Variants in CCDC93 observed in about 807,000 individuals in gnomAD.
The protein encoded by CCDC93 is coiled-coil domain-containing protein 93.
In CCDC93, 61 loss-of-function variants were observed where a neutral mutation model predicts 108.2. The observed-to-expected ratio is 0.56, with a 90% CI of 0.46 to 0.70. CCDC93 has a LOEUF of 0.70. CCDC93 is among the 30% of genes least tolerant of loss of function. The pLI, the probability that CCDC93 is intolerant of heterozygous loss-of-function variation, is 0.00. For synonymous variants in CCDC93, 276 were observed against 260.4 expected, an observed-to-expected ratio of 1.06 and a Z score of -0.58; for missense variants, 685 against 764.2, an observed-to-expected ratio of 0.90 and a Z score of 1.22.
intron 18 of CCDC93, among the ~76,000 whole-genome samples, chr2:117,943,008 T>G (rs553985845): frequency 6.6e-6 from 1 of 152,320 alleles, no homozygotes; most frequent in Admixed American, 6.5e-5. Context: ...GACTCCTCTT[T>G]TTATCTCAGA....
intron 23 of CCDC93, among the ~76,000 whole-genome samples, chr2:117,926,195 C>A (rs546784205): frequency 1.1e-3 from 166 of 152,170 alleles, no homozygotes; most frequent in Non-Finnish European, 2.2e-3. Flanking sequence ...ACCCTAACAT[C>A]ACAATGAAAA....
chr2:117,966,698 A>G (rs1014279233), intron 11 of CCDC93, among the ~76,000 whole-genome samples: 5 of 152,216 alleles, frequency 3.3e-5, no homozygotes, highest in Admixed American at 2.0e-4. Flanking sequence ...GTGTTTTTTC[A>G]TAAGTACATC....
intron 3 of CCDC93, among the ~76,000 whole-genome samples, chr2:118,005,896 CAGTT>C (rs1049519882): frequency 3.9e-5 from 6 of 152,134 alleles, no homozygotes; most frequent in Non-Finnish European, 1.5e-5. Flanking sequence ...TCCTGATGCT[CAGTT>C]ACTCACAGAT....
At chr2:117,951,923 T>A (rs991624166) in intron 13 of CCDC93, among the ~76,000 whole-genome samples, 1 of 152,070 alleles carries the variant, frequency 6.6e-6, no homozygotes, top group African/African-American at 2.4e-5. Context: ...AGGAGATAAC[T>A]GGAAATTCTG....
intron 11 of CCDC93, among the ~76,000 whole-genome samples, chr2:117,959,625 C>A (rs1025918194): frequency 9.9e-5 from 15 of 152,168 alleles, no homozygotes; most frequent in Admixed American, 2.0e-4. Flanking sequence ...ATGATGAGTT[C>A]TTCTGCTACT....
chr2:117,939,012 T>C lies in CCDC93; in HGVS notation c.1605+17A>G, dbSNP rs764641164. On this transcript the variant is annotated intron_variant, in intron 20 of 23. Coordinates refer to ENST00000376300, the MANE Select transcript of CCDC93 (RefSeq NM_019044.5). ...CTGTTAGCTGCTTAGCCATTTTCTT[T>C]TTATAAATGTTCTTACCTCTTTTTC... The C allele has an allele frequency of 1.4e-6, 2 of 1,419,220 alleles. No individual in the cohort carries two copies. Among genetic ancestry groups the C allele is most frequent in the Non-Finnish European group, 2.0e-6 (2 of 1,006,912 alleles). The allele number at this position is 1,419,220 out of a possible 1,614,324, so 87.9% of individuals were successfully genotyped here. A position where few individuals can be genotyped will look rare whatever the true frequency, so the allele number is the denominator to read the frequency against.
chr2:118,008,602 G>C lies in CCDC93; in HGVS notation c.99C>G (p.Leu33=). 1.9e-6 allele frequency: 3 copies of C among 1,613,882 alleles called. No homozygotes were observed. Among genetic ancestry groups the C allele is most frequent in the Non-Finnish European group, 1.7e-6 (2 of 1,179,810 alleles). The change falls in exon 2 of 24, where the codon CTC becomes CTG. Residue 33 remains leucine (L), a synonymous_variant. Transcript: ENST00000376300. ...CCCTGAAATACCCAGCTGCAACCAA[G>C]AGCTCCAGAATTTCAGTCAACTTGA... is the stretch of plus-strand genomic sequence containing the variant. ...QNVKLTEILE[L]LVAAGYFRAR...
At chr2:118,006,029 ACTTT>A (rs756982566) in intron 3 of CCDC93, among the ~76,000 whole-genome samples, 70 of 152,070 alleles carry the variant, frequency 4.6e-4, no homozygotes, top group Non-Finnish European at 7.5e-4. Flanking sequence ...TTTTGTCCCC[ACTTT>A]TTTTTCCCCC....
rs375536207 is a variant in CCDC93, at chr2:118,013,964, C to T, written c.32G>A (p.Gly11Asp). ...AGGAGGCGTTCTTACCTCCGGGAGA[C>T]CCTGGCCCTCCGGCCCCCTGGGCAA... is the stretch of plus-strand genomic sequence containing the variant. MGLPRGPEGQ[G>D]LPEVETREDE... Residue 11 changes from glycine (G) to aspartate (D), a missense_variant, in exon 1 of 24, where the codon GGT becomes GAT. Coordinates refer to ENST00000376300, the MANE Select transcript of CCDC93 (RefSeq NM_019044.5). 1.9e-6 allele frequency: 3 copies of T among 1,595,042 alleles called. No homozygotes were observed. The highest frequency in any genetic ancestry group is 2.3e-5 in the South Asian group (2 of 87,348).
At chr2:117,950,375 C>G (rs968681135) in intron 13 of CCDC93, 22 of 985,254 alleles carry the variant, frequency 2.2e-5, no homozygotes, top group Non-Finnish European at 2.5e-5. Context: ...AACAATCAGC[C>G]TCACACACAC....
At chr2:117,961,227 T>G (rs1018792334) in intron 11 of CCDC93, among the ~76,000 whole-genome samples, 4 of 151,994 alleles carry the variant, frequency 2.6e-5, no homozygotes, top group Non-Finnish European at 4.4e-5. Flanking sequence ...AGAGAGAAAA[T>G]GCTCGCAATG....
chr2:118,003,133 T>C (rs994569185), intron 3 of CCDC93, among the ~76,000 whole-genome samples: 6 of 152,198 alleles, frequency 3.9e-5, no homozygotes, highest in South Asian at 2.1e-4. Flanking sequence ...CAGCCTGTCT[T>C]TGGGACACAT....
intron 18 of CCDC93, among the ~76,000 whole-genome samples, chr2:117,943,742 C>T (rs914683346): frequency 1.3e-5 from 2 of 152,208 alleles, no homozygotes; most frequent in Non-Finnish European, 2.9e-5. Flanking sequence ...ACAAACAAGC[C>T]AATTTCTTCA....
At position 117,945,524 on chromosome 2, in the gene CCDC93, C is replaced by A. The variant is rs773029118; in HGVS notation, c.1350+5G>T. 3.7e-6 allele frequency: 6 copies of A among 1,613,506 alleles called. No individual in the cohort carries two copies. The East Asian group carries it at 1.1e-4, about 30-fold the overall frequency. On this transcript the variant is annotated splice_donor_5th_base_variant and intron_variant, in intron 17 of 23. Transcript: ENST00000376300. ...AATGCCAGTCCTGAGCAGGCAGGTA[C>A]TTACGTCATGAGTCATTGCAGAGGT...
rs972375174 is a variant in CCDC93, at chr2:117,952,399, T to A, written c.1042A>T (p.Asn348Tyr). The A allele has an allele frequency of 3.7e-6, 6 of 1,613,290 alleles. No homozygotes were observed. The highest frequency in any genetic ancestry group is 2.7e-5 in the African/African-American group (2 of 74,910). ...TCTGTCAGCGTTTTCTTGGCTTCAT[T>A]ATATCTGGCTTGTAGGCTGGTGTGA... ...ASHTSLQARYNEAKKTLTELK... is the reference protein window; with the variant it reads ...ASHTSLQARYYEAKKTLTELK... Residue 348 changes from asparagine (N) to tyrosine (Y), a missense_variant, in exon 13 of 24, where the codon AAT (asparagine) becomes TAT (tyrosine). Physicochemically the swap from Asn to Tyr is moderately radical, Grantham distance 143. Coordinates refer to ENST00000376300, the MANE Select transcript of CCDC93 (RefSeq NM_019044.5).
chr2:117,957,321 G>A (rs1679252767), intron 12 of CCDC93, among the ~76,000 whole-genome samples: 1 of 152,040 alleles, frequency 6.6e-6, no homozygotes, highest in African/African-American at 2.4e-5. Context: ...TTCCTCTTAG[G>A]TCTACTTTTC....
At chr2:117,987,924 G>A (rs1327309736) in intron 6 of CCDC93, among the ~76,000 whole-genome samples, 1 of 152,076 alleles carries the variant, frequency 6.6e-6, no homozygotes, top group African/African-American at 2.4e-5. Context: ...TCTGAGTGTA[G>A]TTATCCTTGT....
chr2:117,950,547 C>T, intron 13 of CCDC93: 4 of 985,422 alleles, frequency 4.1e-6, no homozygotes, highest in Non-Finnish European at 4.8e-6. Context: ...CACAAGTCCT[C>T]TCTGCTTTTC....
At chr2:117,987,590 T>G (rs1680357810) in intron 6 of CCDC93, among the ~76,000 whole-genome samples, 1 of 152,190 alleles carries the variant, frequency 6.6e-6, no homozygotes, top group African/African-American at 2.4e-5. Context: ...GAAAGGCAGT[T>G]CCCCTCAATG....
Sources: allele counts gnomAD v4.1 joint callset (sites outside exome capture counted in the v4.1 genomes callset), GRCh38; gene constraint gnomAD v4.1.1; transcripts MANE v1.5; gene names NCBI Gene and HGNC (gene_info 2026-07-23, HGNC 2026-07-21).